WAC: variants seen among roughly 807,000 people sequenced by gnomAD.
WAC encodes WW domain containing adaptor with coiled-coil, also known as WW domain-containing adapter protein with coiled-coil.
A neutral mutation model predicts 79.6 loss-of-function variants in WAC; 11 were observed. That is an observed-to-expected ratio of 0.14 (90% CI 0.09 to 0.23). WAC has a LOEUF of 0.23. Ranked by LOEUF, WAC falls within the 10% of genes least tolerant of loss-of-function variation. The pLI is 1.00. For synonymous variants in WAC, 304 were observed against 276.9 expected (o/e 1.10, Z -0.97); for missense variants, 728 against 773.5 (o/e 0.94, Z 0.70).
chr10:28,611,119 T>C (rs1841219606), intron 9 of WAC: 4 of 611,358 alleles, frequency 6.5e-6, no homozygotes, highest in Non-Finnish European at 9.9e-6. Flanking sequence ...ATGCCAAAGC[T>C]GAAAGTAAAC....
intron 9 of WAC, chr10:28,611,071 A>G (rs1025092224): frequency 3.6e-5 from 20 of 558,890 alleles, no homozygotes; most frequent in Non-Finnish European, 5.6e-5. Flanking sequence ...TATTTAAGAC[A>G]GTATTTAATT....
At chr10:28,588,770 G>T (rs891851101) in intron 4 of WAC, 1 of 151,734 alleles carries the variant, frequency 6.6e-6, no homozygotes, top group South Asian at 2.1e-4. Flanking sequence ...ATATTTATGG[G>T]GTACATAGTG....
Position 28,559,142 on chromosome 10 carries a change from G to GTGTGTGTGTGTGTGTT in WAC, c.274+23400_274+23401insTTGTGTGTGTGTGTGT, listed in dbSNP as rs1838166086. ...TCTGCTCTCGAGAAACCTGATGTGTGTGTGTGTGTGTGTGTGTGTGTGTAA... is the reference window on the plus strand; with the variant it reads ...TCTGCTCTCGAGAAACCTGATGTGTGTGTGTGTGTGTGTGTTTGTGTGTGTGTGTGTGTGTGTGTAA... On this transcript the variant is annotated intron_variant, in intron 3 of 13. Transcript: ENST00000354911. Among the ~76,000 whole-genome samples, 3 of 92,452 alleles carry GTGTGTGTGTGTGTGTT rather than the reference G, an allele frequency of 3.2e-5. No homozygotes were observed. In the East Asian group the frequency reaches 1.0e-3, roughly 32 times the overall value. The allele number at this position is 92,452 out of a possible 152,430, so 60.7% of individuals were successfully genotyped here.
At chr10:28,555,108 A>G (rs1837908816) in intron 3 of WAC, among the ~76,000 whole-genome samples, 1 of 152,124 alleles carries the variant, frequency 6.6e-6, no homozygotes, top group African/African-American at 2.4e-5. Context: ...CCCAATTGCC[A>G]GGCCAGTAAT....
chr10:28,562,209 A>G (rs1020864615), intron 3 of WAC, among the ~76,000 whole-genome samples: 3 of 152,078 alleles, frequency 2.0e-5, no homozygotes, highest in African/African-American at 7.2e-5. Flanking sequence ...GGTGTGCGCA[A>G]CCACATCTGG....
rs34574547 is a variant in WAC at position 28,610,784 on chromosome 10, G to A, written c.1251G>A (p.Thr417=). The A allele has an allele frequency of 2.7e-4, 434 of 1,611,454 alleles. No individual in the cohort carries two copies. In the African/African-American group the frequency reaches 5.5e-3, roughly 21 times the overall value. Reference sequence around the variant, plus strand: ...CTGGACCATCTGCTTTCAACATAACGTCTCTGATTTCTCAAGCTGCTCAGC... The same window carrying A: ...CTGGACCATCTGCTTTCAACATAACATCTCTGATTTCTCAAGCTGCTCAGC... ...LTAGPSAFNI[T]SLISQAAQLS... The change falls in exon 9 of 14, where the codon ACG becomes ACA. Residue 417 remains threonine (T), a synonymous_variant. Coordinates refer to ENST00000354911, the MANE Select transcript of WAC (RefSeq NM_016628.5).
rs1320473445 is a variant in WAC at position 28,616,358 on chromosome 10, A to G, written c.1742A>G (p.Lys581Arg). Residue 581 changes from lysine to arginine, a missense_variant, in exon 12 of 14, where the codon AAG becomes AGG. By Grantham distance (26) the Lys-to-Arg change is conservative. Transcript: ENST00000354911. ...GGATGGCCTGCAGATCATGCAGAGA[A>G]GCAGGTATGTTATGTACAGCCTAGA... ...VQGWPADHAE[K>R]QASRLREEAH... The G allele has an allele frequency of 5.6e-6, 9 of 1,607,440 alleles. No individual in the cohort carries two copies. Among genetic ancestry groups the G allele is most frequent in the Non-Finnish European group, 7.7e-6 (9 of 1,176,128 alleles).
chr10:28,539,318 T>TTGCTAGTTAAAGG (rs1239718073), intron 3 of WAC, among the ~76,000 whole-genome samples: 5 of 152,324 alleles, frequency 3.3e-5, no homozygotes, highest in Admixed American at 6.5e-5. Context: ...CCCAAAAACC[T>TTGCTAGTTAAAGG]TGCTAGTTAA....
chr10:28,553,997 T>G (rs1837846487), intron 3 of WAC, among the ~76,000 whole-genome samples: 1 of 152,102 alleles, frequency 6.6e-6, no homozygotes, highest in South Asian at 2.1e-4. Flanking sequence ...CTCCCAAGTG[T>G]CCAGGACTAC....
At chr10:28,615,842 A>C (rs575006602) in intron 11 of WAC, 1 of 203,662 alleles carries the variant, frequency 4.9e-6, no homozygotes, top group South Asian at 1.2e-4. Context: ...CAGTCTTCAG[A>C]TGTGCATCTA....
At chr10:28,554,924 GTTA>G (rs1837898326) in intron 3 of WAC, among the ~76,000 whole-genome samples, 2 of 152,042 alleles carry the variant, frequency 1.3e-5, no homozygotes, top group Non-Finnish European at 2.9e-5. Context: ...CAACTTAAAA[GTTA>G]CTTCCTCTGT....
At chr10:28,548,969 A>G (rs1047640057) in intron 3 of WAC, among the ~76,000 whole-genome samples, 1 of 152,040 alleles carries the variant, frequency 6.6e-6, no homozygotes, top group African/African-American at 2.4e-5. Context: ...GTCATGGCTC[A>G]CTGCAGCCTC....
chr10:28,547,283 C>G (rs183360316), intron 3 of WAC, among the ~76,000 whole-genome samples: 17 of 152,164 alleles, frequency 1.1e-4, no homozygotes, highest in Admixed American at 1.0e-3. Context: ...CCCTGTAATC[C>G]CAGCGCTTTG....
At chr10:28,545,281 C>G (rs1207542805) in intron 3 of WAC, among the ~76,000 whole-genome samples, 3 of 151,842 alleles carry the variant, frequency 2.0e-5, no homozygotes, top group Non-Finnish European at 4.4e-5. Context: ...CACCTAAGTT[C>G]GGGAGAGACC....
rs1187099148 is a variant in WAC, at chr10:28,622,077, A to G, written c.*2471A>G. ...TTTTTAGTAGAGATGGGGTTTCTCC[A>G]TGTTGGTCAGGCTGGTCTTGAACTG... On this transcript the variant is annotated 3_prime_UTR_variant, in exon 14 of 14. Transcript: ENST00000354911. The G allele has an allele frequency of 6.6e-6, 1 of 152,206 alleles. No individual in the cohort carries two copies. Among genetic ancestry groups the G allele is most frequent in the African/African-American group, 2.4e-5 (1 of 41,436 alleles). The allele number at this position is 152,206 out of a possible 1,614,324, so 9.4% of individuals were successfully genotyped here.
At chr10:28,540,006 T>C in intron 3 of WAC, among the ~76,000 whole-genome samples, 1 of 152,240 alleles carries the variant, frequency 6.6e-6, no homozygotes, top group East Asian at 1.9e-4. Context: ...CTTTTTTTAA[T>C]ATAATTTAGT....
intron 6 of WAC, among the ~76,000 whole-genome samples, chr10:28,593,871 G>A (rs940078463): frequency 8.6e-5 from 13 of 151,870 alleles, no homozygotes; most frequent in African/African-American, 2.9e-4. Flanking sequence ...ATATGTTGAT[G>A]GCTCTATGTT....
intron 4 of WAC, among the ~76,000 whole-genome samples, chr10:28,588,045 T>G (rs1839910331): frequency 6.6e-6 from 1 of 152,202 alleles, no homozygotes; most frequent in South Asian, 2.1e-4. Context: ...AGCACTGGCC[T>G]AGACCATACT....
intron 3 of WAC, among the ~76,000 whole-genome samples, chr10:28,580,417 C>A (rs1839474382): frequency 6.6e-6 from 1 of 152,144 alleles, no homozygotes; most frequent in Admixed American, 6.5e-5. Context: ...TTGTAATATA[C>A]CTTATGTTTG....
Sources: allele counts gnomAD v4.1 joint callset (sites outside exome capture counted in the v4.1 genomes callset), GRCh38; gene constraint gnomAD v4.1.1; transcripts MANE v1.5; gene names NCBI Gene and HGNC (gene_info 2026-07-23, HGNC 2026-07-21).